AGBL1: variants seen among roughly 807,000 people sequenced by gnomAD.
AGBL1 encodes the protein cytosolic carboxypeptidase 4.
In AGBL1, 130 loss-of-function variants were observed where a neutral mutation model predicts 118.9. The observed-to-expected ratio is 1.09, with a 90% CI of 0.95 to 1.26. The LOEUF (loss-of-function observed/expected upper bound fraction) is 1.26. Among genes scored for constraint, AGBL1 ranks in the 50% most tolerant of loss-of-function variants. The pLI, the probability that AGBL1 is intolerant of heterozygous loss-of-function variation, is 0.00. For missense variants in AGBL1, 1,584 were observed against 1,298.1 expected (o/e 1.22, Z -3.38); for synonymous variants, 555 against 478.9 (o/e 1.16, Z -2.08).
chr15:86,804,408 T>C lies in AGBL1; in HGVS notation c.3159-102679T>C, dbSNP rs149360314. Reference sequence around the variant, plus strand: ...ACTCAATACAGAACTTTCTGAAGTGTTTCTAATTCACCATATTTTCTCCTT... The same window carrying C: ...ACTCAATACAGAACTTTCTGAAGTGCTTCTAATTCACCATATTTTCTCCTT... On this transcript the variant is annotated intron_variant, in intron 22 of 22. Transcript: ENST00000614907. Among the ~76,000 whole-genome samples, 234 of 152,270 alleles carry C rather than the reference T, an allele frequency of 1.5e-3. 1 individual carries two copies. The highest frequency in any genetic ancestry group is 5.3e-3 in the African/African-American group (221 of 41,568).
chr15:86,647,848 T>C (rs796996845), intron 21 of AGBL1, among the ~76,000 whole-genome samples: 4 of 152,258 alleles, frequency 2.6e-5, no homozygotes, highest in African/African-American at 7.2e-5. Context: ...AAGGGTGTTA[T>C]TGAGAAGATG....
intron 18 of AGBL1, among the ~76,000 whole-genome samples, chr15:86,486,318 A>G (rs1447611422): frequency 2.0e-5 from 3 of 151,920 alleles, no homozygotes; most frequent in South Asian, 2.1e-4. Context: ...TTCTATTTCC[A>G]TATTCTTCTA....
At position 86,938,288 on chromosome 15, in the gene AGBL1, T is replaced by C. The variant is rs1596652396; in HGVS notation, c.3222-49699T>C. Among the ~76,000 whole-genome samples the C allele has an allele frequency of 2.6e-5, 4 of 152,160 alleles. No homozygotes were observed. In the South Asian group the frequency reaches 8.3e-4, roughly 32 times the overall value. ...GGCCTCCAAGAGCCCTTTCCCCTTTTATAGTCTTCCCATCTTGCACGGGAC... is the reference window on the plus strand; with the variant it reads ...GGCCTCCAAGAGCCCTTTCCCCTTTCATAGTCTTCCCATCTTGCACGGGAC... On this transcript the variant is annotated intron_variant, in intron 23 of 24. Coordinates refer to the AGBL1 transcript ENST00000441037.
downstream of AGBL1, among the ~76,000 whole-genome samples, chr15:86,920,613 C>G (rs1011331719): frequency 8.5e-5 from 13 of 152,164 alleles, no homozygotes; most frequent in African/African-American, 3.1e-4. Context: ...ATGCTCTCTC[C>G]AAGTGCTAGG....
rs188257132 is a variant in AGBL1 at position 86,845,680 on chromosome 15, C to G, written c.3159-61407C>G. Among the ~76,000 whole-genome samples the G allele has an allele frequency of 9.2e-4, 140 of 152,244 alleles. 1 individual carries two copies. The highest frequency in any genetic ancestry group is 3.3e-3 in the African/African-American group (136 of 41,546). On this transcript the variant is annotated intron_variant, in intron 22 of 22. Coordinates refer to ENST00000614907, the MANE Select transcript of AGBL1 (RefSeq NM_001386094.1). Reference sequence around the variant, plus strand: ...TATTATTTCATCTTTTTTGATAGAGCACCAGTGAAGCCATCTGCGCCCAGG... The same window carrying G: ...TATTATTTCATCTTTTTTGATAGAGGACCAGTGAAGCCATCTGCGCCCAGG...
intron 17 of AGBL1, among the ~76,000 whole-genome samples, chr15:86,392,920 C>T (rs2081310159): frequency 6.6e-6 from 1 of 152,090 alleles, no homozygotes; most frequent in Non-Finnish European, 1.5e-5. Context: ...TTGTCAATTG[C>T]AAGAAAAAAC....
At chr15:86,335,457 A>G (rs2080351573) in intron 17 of AGBL1, among the ~76,000 whole-genome samples, 1 of 152,128 alleles carries the variant, frequency 6.6e-6, no homozygotes, top group South Asian at 2.1e-4. Flanking sequence ...AAGTTCGAAG[A>G]AGCTTCAGAA....
chr15:86,149,729 G>A (rs1359030492), intron 3 of AGBL1, among the ~76,000 whole-genome samples: 1 of 152,074 alleles, frequency 6.6e-6, no homozygotes, highest in Non-Finnish European at 1.5e-5. Flanking sequence ...GAGACAGAAG[G>A]TTAACAAAGA....
chr15:86,630,358 C>T (rs1313769938), intron 21 of AGBL1: 1 of 152,194 alleles, frequency 6.6e-6, no homozygotes, highest in East Asian at 1.9e-4. Flanking sequence ...ACTGTACCAA[C>T]AGGGACACCT....
intron 18 of AGBL1, among the ~76,000 whole-genome samples, chr15:86,469,910 T>G (rs1170355307): frequency 1.3e-5 from 2 of 152,086 alleles, no homozygotes; most frequent in Non-Finnish European, 2.9e-5. Context: ...CCTTTTGCCA[T>G]TTAAAAAATC....
rs544420327 is a variant in AGBL1, at chr15:86,335,224, C to T, written c.2374+39816C>T. Among the ~76,000 whole-genome samples, 125 of 152,084 alleles carry T rather than the reference C, an allele frequency of 8.2e-4. 2 individuals carry two copies. In the South Asian group the frequency reaches 0.023, roughly 28 times the overall value. Reference sequence around the variant, plus strand: ...CGTGATCTCGGCTCACTGCAACCTCCGCCTTCCAGTTTCAAGCGATTCTCC... The same window carrying T: ...CGTGATCTCGGCTCACTGCAACCTCTGCCTTCCAGTTTCAAGCGATTCTCC... On this transcript the variant is annotated intron_variant, in intron 17 of 22. Transcript: ENST00000614907.
At chr15:86,848,486 A>G (rs1405093836) in intron 22 of AGBL1, among the ~76,000 whole-genome samples, 2 of 152,180 alleles carry the variant, frequency 1.3e-5, no homozygotes, top group African/African-American at 2.4e-5. Flanking sequence ...GTTATATGGT[A>G]TCACATCCCT....
intron 22 of AGBL1, among the ~76,000 whole-genome samples, chr15:86,870,061 G>A (rs1220698240): frequency 2.6e-5 from 4 of 152,092 alleles, no homozygotes; most frequent in Non-Finnish European, 4.4e-5. Context: ...TATTTAGACT[G>A]CAGGGCCTTT....
intron 21 of AGBL1, among the ~76,000 whole-genome samples, chr15:86,620,562 C>G (rs1351034686): frequency 6.6e-6 from 1 of 152,130 alleles, no homozygotes; most frequent in Non-Finnish European, 1.5e-5. Context: ...TAATTATCAC[C>G]TCATCAAGAA....
chr15:86,924,757 G>C (rs1041833480), intron 23 of AGBL1, among the ~76,000 whole-genome samples: 1 of 151,958 alleles, frequency 6.6e-6, no homozygotes, highest in African/African-American at 2.4e-5. Flanking sequence ...GCTACTCTGT[G>C]TCTCTCAAAC....
chr15:86,546,352 C>T (rs373365808), intron 20 of AGBL1, among the ~76,000 whole-genome samples: 147 of 152,038 alleles, frequency 9.7e-4, no homozygotes, highest in African/African-American at 3.4e-3. Flanking sequence ...TTGCTTTGCC[C>T]CTGTTTTCTA....
intron 5 of AGBL1, among the ~76,000 whole-genome samples, chr15:86,185,041 A>T (rs1017191032): frequency 6.6e-6 from 1 of 152,220 alleles, no homozygotes; most frequent in Non-Finnish European, 1.5e-5. Context: ...CACCATCACA[A>T]AGAACTCAAA....
chr15:86,609,800 G>T (rs896648630), intron 21 of AGBL1, among the ~76,000 whole-genome samples: 1 of 152,108 alleles, frequency 6.6e-6, no homozygotes, highest in Non-Finnish European at 1.5e-5. Context: ...ACAAAGCAAA[G>T]CAAAACAACC....
At chr15:86,719,716 A>T (rs2086688788) in intron 22 of AGBL1, among the ~76,000 whole-genome samples, 1 of 152,194 alleles carries the variant, frequency 6.6e-6, no homozygotes, top group Admixed American at 6.5e-5. Context: ...GGAATTTTTA[A>T]GTGAGCCAAC....
Sources: allele counts gnomAD v4.1 joint callset (sites outside exome capture counted in the v4.1 genomes callset), GRCh38; gene constraint gnomAD v4.1.1; transcripts MANE v1.5; gene names NCBI Gene and HGNC (gene_info 2026-07-23, HGNC 2026-07-21).